The following MICAL3 variants were observed in gnomAD, a reference collection of about 807,000 sequenced individuals.
MICAL3 encodes the protein [F-actin]-monooxygenase MICAL3.
In MICAL3, 62 loss-of-function variants were observed where a neutral mutation model predicts 207.4. The ratio of observed to expected loss-of-function variants is 0.30; its 90% CI spans 0.24 to 0.37. The LOEUF (loss-of-function observed/expected upper bound fraction) is 0.37. Among genes scored for constraint, MICAL3 ranks in the 10% least tolerant of loss-of-function variants. MICAL3 has a pLI of 1.00. For synonymous variants in MICAL3, 1,077 were observed against 1,069.3 expected (o/e 1.01, Z -0.14); for missense variants, 2,368 against 2,635.6 (o/e 0.90, Z 2.22).
rs1186279050 is a variant in MICAL3, at chr22:17,808,699, G to A, written c.5650+145C>T. 5 of 657,428 alleles carry A rather than the reference G, an allele frequency of 7.6e-6. No homozygotes were observed. The Admixed American group carries it at 1.1e-4, about 14-fold the overall frequency. 40.7% of individuals were successfully genotyped at this position (657,428 alleles called of 1,614,324 possible). ...GGTATTTTCTTTTGCTTAACAGGAA[G>A]CCCCAAATCTCAGAGATGAAGGGCC... On this transcript the variant is annotated intron_variant, in intron 29 of 31. Coordinates refer to ENST00000441493, the MANE Select transcript of MICAL3 (RefSeq NM_015241.3).
chr22:17,861,720 A>C, intron 19 of MICAL3: 1 of 985,414 alleles, frequency 1.0e-6, no homozygotes, highest in Non-Finnish European at 1.2e-6. Context: ...TAGTAAGTAT[A>C]AGCTTGGAAA....
rs776314196 is a variant in MICAL3 at position 17,791,226 on chromosome 22, C to A, written c.5726G>T (p.Arg1909Leu). Residue 1909 changes from arginine to leucine, a missense_variant, in exon 30 of 32, where the codon CGC becomes CTC. Transcript: ENST00000441493. Reference sequence around the variant, plus strand: ...CAAGATCATCAGCTCCGACTCGTAGCGCACCATGGCGTTCTTCTCCTGCAC... The same window carrying A: ...CAAGATCATCAGCTCCGACTCGTAGAGCACCATGGCGTTCTTCTCCTGCAC... ...KLVQEKNAMV[R>L]YESELMIFAR... The A allele has an allele frequency of 6.2e-7, 1 of 1,613,850 alleles. No individual in the cohort carries two copies. The highest frequency in any genetic ancestry group is 8.5e-7 in the Non-Finnish European group (1 of 1,179,844).
chr22:17,893,513 G>A (rs1930555721), intron 11 of MICAL3, among the ~76,000 whole-genome samples: 1 of 151,992 alleles, frequency 6.6e-6, no homozygotes, highest in African/African-American at 2.4e-5. Context: ...GTTTCTCTCT[G>A]TGCTCTCGTA....
At chr22:17,894,592 T>A (rs1930666881) in intron 10 of MICAL3, among the ~76,000 whole-genome samples, 1 of 149,528 alleles carries the variant, frequency 6.7e-6, no homozygotes, top group South Asian at 2.1e-4. Context: ...AGGTCAGGAG[T>A]TCAAGACCAG....
chr22:18,003,878 T>C (rs1923203941), intron 1 of MICAL3, among the ~76,000 whole-genome samples: 1 of 152,112 alleles, frequency 6.6e-6, no homozygotes, highest in South Asian at 2.1e-4. Context: ...CAACTGATTC[T>C]CCTGCCTCAG....
At chr22:17,847,392 C>G (rs1315479688) in intron 19 of MICAL3, among the ~76,000 whole-genome samples, 1 of 152,216 alleles carries the variant, frequency 6.6e-6, no homozygotes, top group African/African-American at 2.4e-5. Context: ...CATCCTGTTT[C>G]CCATGTCTGT....
chr22:18,013,639 G>A (rs909267508), intron 1 of MICAL3, among the ~76,000 whole-genome samples: 3 of 152,196 alleles, frequency 2.0e-5, no homozygotes, highest in Non-Finnish European at 4.4e-5. Flanking sequence ...TGACGCATAG[G>A]AAAGCACATG....
At chr22:17,886,804 CAA>C (rs55867197) in intron 15 of MICAL3, among the ~76,000 whole-genome samples, 2,917 of 96,712 alleles carry the variant, frequency 0.03, 97 homozygotes, top group African/African-American at 0.087. Flanking sequence ...GACTCTGTCT[CAA>C]AAAAAAAAAA....
chr22:17,858,627 A>G (rs1313663880), intron 19 of MICAL3, among the ~76,000 whole-genome samples: 1 of 152,056 alleles, frequency 6.6e-6, no homozygotes, highest in Non-Finnish European at 1.5e-5. Context: ...CTCTCCTTCC[A>G]TGTGTGTGCC....
chr22:17,862,932 T>C, intron 19 of MICAL3: 1 of 985,404 alleles, frequency 1.0e-6, no homozygotes, highest in Non-Finnish European at 1.2e-6. Context: ...ACTCCCGTGC[T>C]ATACCAAGTC....
intron 1 of MICAL3, among the ~76,000 whole-genome samples, chr22:17,919,695 A>G (rs747601356): frequency 4.6e-5 from 7 of 152,050 alleles, no homozygotes; most frequent in Non-Finnish European, 1.0e-4. Flanking sequence ...TCCCCTGGAG[A>G]CCTGCCCTTT....
chr22:17,990,280 A>G (rs1921523988), intron 1 of MICAL3, among the ~76,000 whole-genome samples: 3 of 152,042 alleles, frequency 2.0e-5, no homozygotes. Context: ...GTTCATTCTC[A>G]CCCATCCAAA....
At chr22:17,922,046 T>G (rs1468551013) in intron 1 of MICAL3, among the ~76,000 whole-genome samples, 1 of 152,150 alleles carries the variant, frequency 6.6e-6, no homozygotes, top group Non-Finnish European at 1.5e-5. Context: ...ACGCCCCTCC[T>G]GCACTTGAGA....
intron 1 of MICAL3, among the ~76,000 whole-genome samples, chr22:17,978,958 A>G (rs969496081): frequency 2.0e-5 from 3 of 149,322 alleles, no homozygotes; most frequent in African/African-American, 7.4e-5. Context: ...GGAGGACTGC[A>G]TGAGCCCAGG....
At chr22:17,855,712 G>C (rs771857668) in intron 19 of MICAL3, among the ~76,000 whole-genome samples, 9 of 152,226 alleles carry the variant, frequency 5.9e-5, no homozygotes, top group Non-Finnish European at 8.8e-5. Flanking sequence ...TTGCACCTCA[G>C]TGATGAAATC....
At chr22:17,976,546 T>G (rs1935641564) in intron 1 of MICAL3, among the ~76,000 whole-genome samples, 1 of 72,772 alleles carries the variant, frequency 1.4e-5, no homozygotes, top group African/African-American at 8.9e-5. Context: ...TGTGTGTGTG[T>G]GTGTGTGTGT....
intron 10 of MICAL3, among the ~76,000 whole-genome samples, chr22:17,894,171 G>A (rs966019736): frequency 1.3e-5 from 2 of 152,094 alleles, no homozygotes; most frequent in Non-Finnish European, 2.9e-5. Context: ...CTATAGTTGG[G>A]GAGGCCGAGG....
At chr22:17,910,702 G>A (rs1415596891) in intron 1 of MICAL3, among the ~76,000 whole-genome samples, 1 of 152,220 alleles carries the variant, frequency 6.6e-6, no homozygotes, top group African/African-American at 2.4e-5. Flanking sequence ...GAGTGTGACA[G>A]CATTGCTCTG....
At chr22:18,002,054 C>T (rs1047063560) in intron 1 of MICAL3, among the ~76,000 whole-genome samples, 7 of 152,198 alleles carry the variant, frequency 4.6e-5, no homozygotes, top group African/African-American at 1.7e-4. Flanking sequence ...AAAAATTAGC[C>T]GGGCGTGGTT....
Sources: gnomAD v4.1 joint callset for allele counts (sites outside exome capture counted in the v4.1 genomes callset) on GRCh38, gnomAD v4.1.1 for gene constraint, MANE v1.5 for transcripts, NCBI Gene and HGNC (gene_info 2026-07-23, HGNC 2026-07-21) for gene names.